USP22: variants seen among roughly 807,000 people sequenced by gnomAD.
USP22 encodes the protein ubiquitin carboxyl-terminal hydrolase 22.
Under a neutral mutation model 68.1 loss-of-function variants are expected in USP22, and 22 were observed. That is an observed-to-expected ratio of 0.32 (90% CI 0.23 to 0.46). The LOEUF is 0.46. Ranked by LOEUF, USP22 falls within the 20% of genes least tolerant of loss-of-function variation. USP22 has a pLI of 1.00. For missense variants in USP22, 433 were observed against 695.8 expected (o/e 0.62, Z 4.25); for synonymous variants, 279 against 274.2 (o/e 1.02, Z -0.17).
At chr17:21,024,086 C>A (rs1302103945) in intron 2 of USP22, among the ~76,000 whole-genome samples, 2 of 152,172 alleles carry the variant, frequency 1.3e-5, no homozygotes, top group Non-Finnish European at 2.9e-5. Context: ...TCAAAAAATT[C>A]ACAAAATGCC....
At chr17:21,011,953 C>T (rs1449811054) in intron 7 of USP22, among the ~76,000 whole-genome samples, 1 of 152,190 alleles carries the variant, frequency 6.6e-6, no homozygotes, top group South Asian at 2.1e-4. Flanking sequence ...GTTTCTAATA[C>T]TCAGAGACAA....
chr17:21,023,180 G>A (rs1264554764), intron 2 of USP22, among the ~76,000 whole-genome samples: 1 of 152,134 alleles, frequency 6.6e-6, no homozygotes, highest in Admixed American at 6.6e-5. Flanking sequence ...CTACTTGAGG[G>A]TGGAGAGTGG....
At chr17:21,035,207 A>C (rs1236572435) in intron 1 of USP22, among the ~76,000 whole-genome samples, 1 of 152,204 alleles carries the variant, frequency 6.6e-6, no homozygotes, top group African/African-American at 2.4e-5. Flanking sequence ...CCTCATTTTA[A>C]TCTACCATTC....
chr17:21,012,783 C>A lies in USP22; in HGVS notation c.944+47G>T, dbSNP rs532806699. On this transcript the variant is annotated intron_variant, in intron 7 of 12. Coordinates refer to ENST00000261497, the MANE Select transcript of USP22 (RefSeq NM_015276.2). ...TCTGGAGACTGGGAGGATGTCAGTA[C>A]GGCCCCAGAGGGTTTGATATTGCCG... 10 of 1,537,990 alleles carry A rather than the reference C, an allele frequency of 6.5e-6. No homozygotes were observed. The African/African-American group carries it at 1.2e-4, about 19-fold the overall frequency.
chr17:21,016,574 C>T (rs935651781), intron 5 of USP22, among the ~76,000 whole-genome samples: 3 of 152,234 alleles, frequency 2.0e-5, no homozygotes, highest in Non-Finnish European at 2.9e-5. Context: ...AACCCATCTA[C>T]ATAATGGAAC....
At chr17:21,017,465 C>T (rs534599699) in intron 5 of USP22, among the ~76,000 whole-genome samples, 16 of 152,344 alleles carry the variant, frequency 1.1e-4, no homozygotes, top group East Asian at 3.9e-4. Context: ...TGGACAGGAA[C>T]GCCACACGTG....
chr17:21,034,400 A>G (rs935920101), intron 1 of USP22, among the ~76,000 whole-genome samples: 1 of 152,212 alleles, frequency 6.6e-6, no homozygotes, highest in African/African-American at 2.4e-5. Context: ...GAAATTACGT[A>G]TGAAATATAA....
intron 7 of USP22, among the ~76,000 whole-genome samples, chr17:21,012,179 T>C (rs1178690948): frequency 1.3e-5 from 2 of 152,130 alleles, no homozygotes; most frequent in Non-Finnish European, 1.5e-5. Flanking sequence ...TCCCAGCTAC[T>C]TGGGAGGCTA....
chr17:21,003,901 A>C (rs1913682803), intron 12 of USP22, among the ~76,000 whole-genome samples: 1 of 49,962 alleles, frequency 2.0e-5, no homozygotes, highest in Admixed American at 2.7e-4. Context: ...ACTCCGTCTC[A>C]AAAAAAAAAA....
At chr17:21,037,215 G>A (rs1016179437) in intron 1 of USP22, among the ~76,000 whole-genome samples, 15 of 152,284 alleles carry the variant, frequency 9.9e-5, no homozygotes, top group Non-Finnish European at 2.2e-4. Flanking sequence ...ACACACGAGT[G>A]AGGATCAGCA....
intron 1 of USP22, among the ~76,000 whole-genome samples, chr17:21,040,063 G>A (rs1026949616): frequency 3.3e-5 from 5 of 152,144 alleles, no homozygotes; most frequent in Non-Finnish European, 7.4e-5. Flanking sequence ...GGTGACACAC[G>A]CCCGTAGTCC....
In USP22 at chr17:21,017,433, GCT is replaced by G. The variant is rs10559202; in HGVS notation, c.690+507_690+508del. On this transcript the variant is annotated intron_variant, in intron 5 of 12. Transcript: ENST00000261497. ...AACGCCTTGCTCTGAACGCTGCCATGCTCTGATGCCGGGGACAGAAGTGGACA... is the reference window on the plus strand; with the variant it reads ...AACGCCTTGCTCTGAACGCTGCCATGCTGATGCCGGGGACAGAAGTGGACA... Among the ~76,000 whole-genome samples, 1,311 of 152,366 alleles carry G rather than the reference GCT, an allele frequency of 8.6e-3. 25 individuals are homozygous for G. The highest frequency in any genetic ancestry group is 0.029 in the African/African-American group (1,212 of 41,582).
intron 1 of USP22, 140 bp downstream of exon 1, chr17:21,042,525 G>A (rs894577393): frequency 1.3e-5 from 10 of 791,580 alleles, no homozygotes; most frequent in Admixed American, 4.3e-5. Flanking sequence ...GAGAAGAGAG[G>A]GCAGAAGGAG....
At chr17:21,038,230 TA>T (rs1972381084) in intron 1 of USP22, among the ~76,000 whole-genome samples, 2 of 151,184 alleles carry the variant, frequency 1.3e-5, no homozygotes. Context: ...CTCAGTCTTT[TA>T]TTTTTTTTTA....
At chr17:21,041,140 C>A (rs186323023) in intron 1 of USP22, among the ~76,000 whole-genome samples, 2 of 151,942 alleles carry the variant, frequency 1.3e-5, no homozygotes, top group African/African-American at 2.4e-5. Context: ...CCCTCGGCCT[C>A]CCCACGTGCT....
intron 1 of USP22, among the ~76,000 whole-genome samples, chr17:21,031,322 T>C (rs1972288407): frequency 6.6e-6 from 1 of 152,218 alleles, no homozygotes; most frequent in African/African-American, 2.4e-5. Context: ...TTGAGTAAAG[T>C]ACACAGCAAT....
intron 6 of USP22, among the ~76,000 whole-genome samples, chr17:21,013,596 G>A (rs960074058): frequency 1.3e-5 from 2 of 152,180 alleles, no homozygotes; most frequent in Non-Finnish European, 2.9e-5. Flanking sequence ...CAGGGCACGA[G>A]GACACCTGTA....
intron 4 of USP22, among the ~76,000 whole-genome samples, chr17:21,018,631 G>A (rs1972117226): frequency 6.6e-6 from 1 of 152,192 alleles, no homozygotes; most frequent in African/African-American, 2.4e-5. Flanking sequence ...AGGATCGCTT[G>A]GGCCCAGGAG....
chr17:21,035,418 G>C (rs933338180), intron 1 of USP22, among the ~76,000 whole-genome samples: 1 of 151,902 alleles, frequency 6.6e-6, no homozygotes, highest in Non-Finnish European at 1.5e-5. Context: ...TCCTACCTAA[G>C]CTTCCATCCG....
Sources: allele counts gnomAD v4.1 joint callset (sites outside exome capture counted in the v4.1 genomes callset), GRCh38; gene constraint gnomAD v4.1.1; transcripts MANE v1.5; gene names NCBI Gene and HGNC (gene_info 2026-07-23, HGNC 2026-07-21).